Variants in MAP3K20 observed in about 807,000 individuals in gnomAD.
MAP3K20 encodes mitogen-activated protein kinase kinase kinase 20.
MAP3K20 carries 40 observed loss-of-function variants against 85.7 expected under a neutral mutation model. The observed-to-expected ratio is 0.47, with a 90% CI of 0.36 to 0.61. MAP3K20 has a LOEUF of 0.61. Ranked by LOEUF, MAP3K20 falls within the 20% of genes least tolerant of loss-of-function variation. The pLI, the probability that MAP3K20 is intolerant of heterozygous loss-of-function variation, is 0.00. For synonymous variants in MAP3K20, 325 were observed against 327.7 expected, an observed-to-expected ratio of 0.99 and a Z score of 0.09; for missense variants, 817 against 961.7, an observed-to-expected ratio of 0.85 and a Z score of 1.99.
At chr2:173,242,891 C>G (rs1201037349) in intron 16 of MAP3K20, among the ~76,000 whole-genome samples, 2 of 151,380 alleles carry the variant, frequency 1.3e-5, no homozygotes, top group Admixed American at 6.6e-5. Context: ...ATTTTCAGTA[C>G]AGACAGGGTT....
chr2:173,083,856 G>A (rs1687074437), intron 1 of MAP3K20, among the ~76,000 whole-genome samples: 2 of 152,074 alleles, frequency 1.3e-5, no homozygotes, highest in Non-Finnish European at 2.9e-5. Flanking sequence ...TATCTTTTTT[G>A]TCACATCCAG....
At chr2:173,235,207 C>G (rs1684620495) in intron 14 of MAP3K20, among the ~76,000 whole-genome samples, 1 of 152,184 alleles carries the variant, frequency 6.6e-6, no homozygotes, top group Non-Finnish European at 1.5e-5. Flanking sequence ...AAGGGGCTGT[C>G]TGCCAAGAGG....
At chr2:173,226,355 CTT>C (rs1684388141) in intron 11 of MAP3K20, 13 of 984,756 alleles carry the variant, frequency 1.3e-5, no homozygotes, top group Non-Finnish European at 1.6e-5. Context: ...TTGTACTAGA[CTT>C]ATTGCAGCCT....
chr2:173,242,281 T>C (rs553098242), intron 16 of MAP3K20, among the ~76,000 whole-genome samples: 3 of 151,858 alleles, frequency 2.0e-5, no homozygotes, highest in African/African-American at 7.3e-5. Flanking sequence ...GTTCAAGTGA[T>C]TCTCCTGCCT....
chr2:173,140,839 C>G (rs1471373103), intron 2 of MAP3K20, among the ~76,000 whole-genome samples: 1 of 152,004 alleles, frequency 6.6e-6, no homozygotes, highest in Non-Finnish European at 1.5e-5. Flanking sequence ...CACACACACA[C>G]ACGAGTGCAT....
At position 173,079,273 on chromosome 2, in the gene MAP3K20, T is replaced by C. The variant is rs75268222; in HGVS notation, c.-35+3271T>C. On this transcript the variant is annotated intron_variant, in intron 1 of 19. Transcript: ENST00000375213. ...GGCACAGTAAAAATACAGTATAAAA[T>C]ATACAGTATCAAAGATAAAAAATGG... Among the ~76,000 whole-genome samples, 1,278 of 152,204 alleles carry C rather than the reference T, an allele frequency of 8.4e-3. 13 individuals are homozygous for C. The highest frequency in any genetic ancestry group is 0.03 in the African/African-American group (1,226 of 41,506).
intron 17 of MAP3K20, among the ~76,000 whole-genome samples, chr2:173,260,023 C>T (rs951218120): frequency 3.3e-5 from 5 of 152,036 alleles, no homozygotes; most frequent in African/African-American, 7.2e-5. Flanking sequence ...AAACATCAAC[C>T]GAAACAATAA....
intron 16 of MAP3K20, among the ~76,000 whole-genome samples, chr2:173,252,022 T>A (rs1052105639): frequency 6.6e-6 from 1 of 152,262 alleles, no homozygotes; most frequent in African/African-American, 2.4e-5. Context: ...TGTCTGTGAA[T>A]TGCCCAGAAC....
intron 9 of MAP3K20, among the ~76,000 whole-genome samples, chr2:173,204,076 G>A (rs991816773): frequency 3.9e-5 from 6 of 152,018 alleles, no homozygotes; most frequent in African/African-American, 1.5e-4. Context: ...CATTCTCATA[G>A]CACGCTTTGA....
chr2:173,161,836 C>T (rs779480445), intron 2 of MAP3K20, among the ~76,000 whole-genome samples: 4 of 152,046 alleles, frequency 2.6e-5, no homozygotes, highest in African/African-American at 2.4e-5. Flanking sequence ...AGAGCCGTAT[C>T]GGGAGAAAAT....
rs1163902272 is a variant in MAP3K20, at chr2:173,180,694, C to CA, written c.248-2149dup. Among the ~76,000 whole-genome samples the CA allele has an allele frequency of 2.3e-3, 321 of 136,898 alleles. 1 individual carries two copies. Among genetic ancestry groups the CA allele is most frequent in the Non-Finnish European group, 2.1e-3 (129 of 62,546 alleles). 89.8% of individuals were successfully genotyped at this position (136,898 alleles called of 152,430 possible). A position where few individuals can be genotyped will look rare whatever the true frequency, so the allele number is the denominator to read the frequency against. On this transcript the variant is annotated intron_variant, in intron 3 of 19. Coordinates refer to ENST00000375213, the MANE Select transcript of MAP3K20 (RefSeq NM_016653.3). ...TTGTCTCAAAAATAAATCCATATGCCAAAAAAAAAAATTAGAGCCACACCT... is the reference window on the plus strand; with the variant it reads ...TTGTCTCAAAAATAAATCCATATGCCAAAAAAAAAAAATTAGAGCCACACCT...
intron 2 of MAP3K20, among the ~76,000 whole-genome samples, chr2:173,158,955 CTGT>C (rs1208735273): frequency 6.6e-6 from 1 of 152,178 alleles, no homozygotes; most frequent in Non-Finnish European, 1.5e-5. Flanking sequence ...ACTCTGTGTG[CTGT>C]TAATAATACA....
At chr2:173,162,623 T>C (rs1238705214) in intron 2 of MAP3K20, among the ~76,000 whole-genome samples, 8 of 149,720 alleles carry the variant, frequency 5.3e-5, no homozygotes, top group Non-Finnish European at 1.0e-4. Flanking sequence ...GAGGCGGAGG[T>C]TGCAGTGAGT....
chr2:173,149,398 T>C (rs1689231180), intron 2 of MAP3K20, among the ~76,000 whole-genome samples: 1 of 152,052 alleles, frequency 6.6e-6, no homozygotes, highest in Non-Finnish European at 1.5e-5. Context: ...TAGTTAATAG[T>C]AATGTACTAT....
At chr2:173,249,581 A>T (rs1684997294) in intron 16 of MAP3K20, among the ~76,000 whole-genome samples, 1 of 152,180 alleles carries the variant, frequency 6.6e-6, no homozygotes, top group Non-Finnish European at 1.5e-5. Context: ...TTATATTTTG[A>T]GGATCCTGGA....
intron 2 of MAP3K20, among the ~76,000 whole-genome samples, chr2:173,120,800 C>T (rs752839500): frequency 2.7e-5 from 4 of 148,922 alleles, no homozygotes; most frequent in South Asian, 4.2e-4. Flanking sequence ...CTCCGCTTCC[C>T]GGGTTCAAGC....
At chr2:173,120,339 C>A (rs985700511) in intron 2 of MAP3K20, among the ~76,000 whole-genome samples, 1 of 151,996 alleles carries the variant, frequency 6.6e-6, no homozygotes, top group African/African-American at 2.4e-5. Context: ...TTTCATGAAC[C>A]TCTATTCTTG....
At position 173,243,091 on chromosome 2, in the gene MAP3K20, A is replaced by T. The variant is rs139766741; in HGVS notation, c.1359+3595A>T. Among the ~76,000 whole-genome samples, 230 of 152,300 alleles carry T rather than the reference A, an allele frequency of 1.5e-3. 2 individuals are homozygous for T. The highest frequency in any genetic ancestry group is 5.2e-3 in the African/African-American group (217 of 41,578). On this transcript the variant is annotated intron_variant, in intron 16 of 19. Transcript: ENST00000375213. ...GCTCTAAGGTAGATGCTAGATTTTGATACAAAATCAAAAAGTACAATCCCA... is the reference window on the plus strand; with the variant it reads ...GCTCTAAGGTAGATGCTAGATTTTGTTACAAAATCAAAAAGTACAATCCCA...
At chr2:173,245,996 G>A (rs903250275) in intron 16 of MAP3K20, among the ~76,000 whole-genome samples, 1 of 152,176 alleles carries the variant, frequency 6.6e-6, no homozygotes, top group African/African-American at 2.4e-5. Flanking sequence ...CAATCAAACT[G>A]GCAGAAATTG....
Sources: gnomAD v4.1 joint callset for allele counts (sites outside exome capture counted in the v4.1 genomes callset) on GRCh38, gnomAD v4.1.1 for gene constraint, MANE v1.5 for transcripts, NCBI Gene and HGNC (gene_info 2026-07-23, HGNC 2026-07-21) for gene names.